The following CPPED1 variants were observed in gnomAD, a reference collection of about 807,000 sequenced individuals.
CPPED1 encodes calcineurin like phosphoesterase domain containing 1.
Under a neutral mutation model 28.0 loss-of-function variants are expected in CPPED1, and 28 were observed. The ratio of observed to expected loss-of-function variants is 1.00; its 90% CI spans 0.74 to 1.37. The LOEUF is 1.37. Among genes scored for constraint, CPPED1 ranks in the 40% most tolerant of loss-of-function variants. The pLI is 0.00. For missense variants in CPPED1, 504 were observed against 416.5 expected, an observed-to-expected ratio of 1.21 and a Z score of -1.83; for synonymous variants, 198 against 180.2, an observed-to-expected ratio of 1.10 and a Z score of -0.79.
intron 3 of CPPED1, among the ~76,000 whole-genome samples, chr16:12,671,928 G>A (rs1474514012): frequency 2.0e-5 from 3 of 151,654 alleles, no homozygotes; most frequent in Non-Finnish European, 4.4e-5. Context: ...AGGGGGTCCC[G>A]TAAGATTATA....
At chr16:12,753,181 ATGTT>A (rs1200880258) in intron 2 of CPPED1, 2 of 152,100 alleles carry the variant, frequency 1.3e-5, no homozygotes, top group Admixed American at 6.6e-5. Context: ...TATGGACTGA[ATGTT>A]TGTGTCACTC....
intron 2 of CPPED1, among the ~76,000 whole-genome samples, chr16:12,715,758 C>T (rs148396379): frequency 0.011 from 1,673 of 152,268 alleles, 16 homozygotes; most frequent in Non-Finnish European, 0.015. Flanking sequence ...GAACCCCCGA[C>T]CTCAGGTGAT....
intron 3 of CPPED1, 116 bp downstream of exon 3, chr16:12,704,508 C>T (rs2080037171): frequency 9.0e-7 from 1 of 1,108,446 alleles, no homozygotes; most frequent in African/African-American, 1.6e-5. Context: ...TATCAGAACT[C>T]CCGGCCTAGT....
rs553431044 is a variant in CPPED1, at chr16:12,670,379, A to G, written c.716-5264T>C. Among the ~76,000 whole-genome samples the G allele has an allele frequency of 6.6e-6, 1 of 152,320 alleles. No homozygotes were observed. The highest frequency in any genetic ancestry group is 2.1e-4 in the South Asian group (1 of 4,822). On this transcript the variant is annotated intron_variant, in intron 3 of 3. Transcript: ENST00000381774. This position sits in a 1 kb window ranked among gnomAD's most constrained non-coding sequence, Gnocchi z 4.2. ...AATGGTAGGGGGAGAAACATCTCCT[A>G]CACACAGAAGAGTAACAAATAAATG...
At chr16:12,689,000 T>C (rs2079948189) in intron 3 of CPPED1, among the ~76,000 whole-genome samples, 1 of 152,086 alleles carries the variant, frequency 6.6e-6, no homozygotes, top group African/African-American at 2.4e-5. Context: ...TTTGGGTCTG[T>C]TTATGCATGA....
intron 3 of CPPED1, among the ~76,000 whole-genome samples, chr16:12,674,054 A>G (rs2141168368): frequency 6.6e-6 from 1 of 152,212 alleles, no homozygotes; most frequent in African/African-American, 2.4e-5. Flanking sequence ...GTCTCAAAAT[A>G]ATAATAATAA....
chr16:12,776,052 G>A (rs558392517), intron 2 of CPPED1, among the ~76,000 whole-genome samples: 2 of 152,164 alleles, frequency 1.3e-5, no homozygotes, highest in Non-Finnish European at 2.9e-5. Flanking sequence ...ATTATGTTAA[G>A]GATCTTGAGA....
intron 2 of CPPED1, among the ~76,000 whole-genome samples, chr16:12,734,289 C>A (rs768147032): frequency 6.6e-6 from 1 of 151,970 alleles, no homozygotes; most frequent in African/African-American, 2.4e-5. Context: ...AGCCTGATCT[C>A]GAACTCCTGG....
chr16:12,704,511 G>T, intron 3 of CPPED1, 113 bp downstream of exon 3: 1 of 1,140,234 alleles, frequency 8.8e-7, no homozygotes. Context: ...CAGAACTCCC[G>T]GCCTAGTCCT....
rs750967216 is a variant in CPPED1, at chr16:12,660,242, T to C, written c.*4644A>G. ...AGTGGCTCACTCATTCTAAGTGTGC[T>C]GCAAAGCCCCTTTAGTGAAGAAATC... On this transcript the variant is annotated 3_prime_UTR_variant, in exon 4 of 4. Transcript: ENST00000381774. 8 of 152,188 alleles carry C rather than the reference T, an allele frequency of 5.3e-5. No homozygotes were observed. The highest frequency in any genetic ancestry group is 1.9e-4 in the African/African-American group (8 of 41,450). The allele number at this position is 152,188 out of a possible 1,614,324, so 9.4% of individuals were successfully genotyped here.
chr16:12,718,488 G>A (rs1244578862), intron 2 of CPPED1, among the ~76,000 whole-genome samples: 8 of 139,244 alleles, frequency 5.7e-5, no homozygotes, highest in Admixed American at 3.2e-4. Flanking sequence ...GTAGTGAGCC[G>A]AAATTGTGCC....
At chr16:12,719,202 T>G (rs902531382) in intron 2 of CPPED1, among the ~76,000 whole-genome samples, 1 of 152,138 alleles carries the variant, frequency 6.6e-6, no homozygotes, top group Non-Finnish European at 1.5e-5. Flanking sequence ...CCATCCTGGC[T>G]AACACGGTGA....
chr16:12,767,303 T>C (rs1250745034), intron 2 of CPPED1, among the ~76,000 whole-genome samples: 1 of 152,028 alleles, frequency 6.6e-6, no homozygotes, highest in Non-Finnish European at 1.5e-5. Flanking sequence ...AGGAGGCAAA[T>C]TCATCTTTTC....
rs1471481630 is a variant in CPPED1, at chr16:12,660,987, G to A, written c.*3899C>T. 6.6e-6 allele frequency: 1 copy of A among 152,198 alleles called. No homozygotes were observed. The highest frequency in any genetic ancestry group is 6.5e-5 in the Admixed American group (1 of 15,274). 9.4% of individuals were successfully genotyped at this position (152,198 alleles called of 1,614,324 possible). ...TAAAAAATTAGATGTGGTGACACGAGCCTATAGTCCCAGCTAATTTGGGAG... is the reference window on the plus strand; with the variant it reads ...TAAAAAATTAGATGTGGTGACACGAACCTATAGTCCCAGCTAATTTGGGAG... On this transcript the variant is annotated 3_prime_UTR_variant, in exon 4 of 4. Transcript: ENST00000381774.
At chr16:12,707,419 C>T (rs1252407390) in intron 2 of CPPED1, among the ~76,000 whole-genome samples, 1 of 152,180 alleles carries the variant, frequency 6.6e-6, no homozygotes, top group African/African-American at 2.4e-5. Context: ...GGTGGTCTGG[C>T]TCAAGGTGCT....
At chr16:12,787,003 G>C (rs1252207482) in intron 1 of CPPED1, among the ~76,000 whole-genome samples, 2 of 152,158 alleles carry the variant, frequency 1.3e-5, no homozygotes, top group Admixed American at 1.3e-4. Context: ...CCATTACCAA[G>C]TATGAGTATA....
At chr16:12,769,221 T>C (rs530496768) in intron 2 of CPPED1, among the ~76,000 whole-genome samples, 3 of 151,636 alleles carry the variant, frequency 2.0e-5, no homozygotes, top group South Asian at 4.2e-4. Flanking sequence ...TATTAGACTG[T>C]GTTATATAAT....
At chr16:12,685,402 A>G (rs2079927614) in intron 3 of CPPED1, among the ~76,000 whole-genome samples, 1 of 152,236 alleles carries the variant, frequency 6.6e-6, no homozygotes, top group South Asian at 2.1e-4. Flanking sequence ...GTGAGCCGAG[A>G]TCATGCCACT....
intron 3 of CPPED1, 152 bp downstream of exon 3, chr16:12,704,472 A>G (rs1406963156): frequency 2.8e-6 from 2 of 727,260 alleles, no homozygotes; most frequent in Non-Finnish European, 4.5e-6. Context: ...CTAGCCAGAC[A>G]TGCAGTCTGC....
Sources: gnomAD v4.1 joint callset for allele counts (sites outside exome capture counted in the v4.1 genomes callset) on GRCh38, gnomAD v4.1.1 for gene constraint, Gnocchi (gnomAD v3.1) non-coding constraint, MANE v1.5 for transcripts, NCBI Gene and HGNC (gene_info 2026-07-23, HGNC 2026-07-21) for gene names.